KRIT1: variants seen among roughly 807,000 people sequenced by gnomAD.
KRIT1 encodes KRIT1 ankyrin repeat containing, also known as krev interaction trapped protein 1.
KRIT1 carries 45 observed loss-of-function variants against 95.8 expected under a neutral mutation model. That is an observed-to-expected ratio of 0.47 (90% CI 0.37 to 0.60). The LOEUF is 0.60. Among genes scored for constraint, KRIT1 ranks in the 20% least tolerant of loss-of-function variants. KRIT1 has a pLI of 0.00. For synonymous variants in KRIT1, 282 were observed against 278.8 expected (o/e 1.01, Z -0.11); for missense variants, 788 against 877.5 (o/e 0.90, Z 1.29).
At chr7:92,220,898 C>T (rs1316327931) in intron 14 of KRIT1, among the ~76,000 whole-genome samples, 2 of 151,340 alleles carry the variant, frequency 1.3e-5, no homozygotes, top group Middle Eastern at 6.9e-3. Context: ...CCATCTTGGC[C>T]GGGCTGGTCT....
At chr7:92,222,749 G>T in intron 13 of KRIT1, 73 bp downstream of exon 13, 1 of 877,668 alleles carries the variant, frequency 1.1e-6, no homozygotes, top group Non-Finnish European at 1.9e-6. Context: ...ATAAAAAGAA[G>T]TTGTATTTTC....
chr7:92,230,247 TCTC>T (rs1486535636), intron 10 of KRIT1, among the ~76,000 whole-genome samples: 1 of 152,112 alleles, frequency 6.6e-6, no homozygotes, highest in East Asian at 1.9e-4. Flanking sequence ...TTGCCCAACG[TCTC>T]ATGGTGACTA....
intron 17 of KRIT1, among the ~76,000 whole-genome samples, chr7:92,203,801 A>C (rs1790749481): frequency 6.6e-6 from 1 of 152,192 alleles, no homozygotes; most frequent in South Asian, 2.1e-4. Context: ...AAATGCTCTG[A>C]AACAGCAGAG....
intron 14 of KRIT1, among the ~76,000 whole-genome samples, chr7:92,217,664 A>G (rs1794270640): frequency 6.6e-6 from 1 of 152,200 alleles, no homozygotes; most frequent in Non-Finnish European, 1.5e-5. Flanking sequence ...TTGTCCACTC[A>G]TCTGTTGATG....
chr7:92,226,899 T>C (rs1026157763), intron 10 of KRIT1, among the ~76,000 whole-genome samples: 11 of 152,246 alleles, frequency 7.2e-5, no homozygotes, highest in Non-Finnish European at 1.3e-4. Context: ...AAACTGTTTC[T>C]ATTTCTGATA....
intron 17 of KRIT1, among the ~76,000 whole-genome samples, chr7:92,211,387 G>A (rs1317726608): frequency 6.6e-6 from 1 of 152,200 alleles, no homozygotes; most frequent in Non-Finnish European, 1.5e-5. Context: ...AATGGAATTG[G>A]AGGTCATTTT....
rs192473025 is a variant in KRIT1, at chr7:92,219,204, G to A, written c.1563+2698C>T. Among the ~76,000 whole-genome samples, 274 of 152,196 alleles carry A rather than the reference G, an allele frequency of 1.8e-3. 1 individual carries two copies. The highest frequency in any genetic ancestry group is 6.1e-3 in the African/African-American group (255 of 41,522). ...TTTAGAAGAGATGGGGTTTTGCCATGTGGGCCAGGCTGGTCTAGAACTCCT... is the reference window on the plus strand; with the variant it reads ...TTTAGAAGAGATGGGGTTTTGCCATATGGGCCAGGCTGGTCTAGAACTCCT... On this transcript the variant is annotated intron_variant, in intron 14 of 18. Coordinates refer to ENST00000394505, the MANE Select transcript of KRIT1 (RefSeq NM_194454.3).
At chr7:92,209,372 G>C (rs969903234) in intron 17 of KRIT1, among the ~76,000 whole-genome samples, 1 of 152,138 alleles carries the variant, frequency 6.6e-6, no homozygotes, top group Non-Finnish European at 1.5e-5. Flanking sequence ...CATCAGGTAA[G>C]AGAAAGAAAT....
rs1563240592 is a variant in KRIT1, at chr7:92,213,293, G to A, written c.1927C>T (p.Gln643Ter). The A allele has an allele frequency of 6.2e-7, 1 of 1,613,060 alleles. No individual in the cohort carries two copies. The highest frequency in any genetic ancestry group is 1.7e-5 in the Admixed American group (1 of 59,998). The change falls in exon 17 of 19, where the codon CAG (glutamine) becomes TAG (stop). Residue 643 changes from glutamine (Q) to a stop codon, truncating the protein, a stop_gained. Coordinates refer to ENST00000394505, the MANE Select transcript of KRIT1 (RefSeq NM_194454.3). LOFTEE classifies it high-confidence loss of function. ...PTYGAAFFTG[Q>*]IFTKASPSNH... is the part of the protein sequence containing the mutation. The stretch of plus-strand genomic sequence containing the variant: ...CTGGGGCTTGCCTTTGTAAATATCT[G>A]TCCTGTGAAAAATGCTGCTCCATAA...
At chr7:92,236,099 A>C (rs1284173311) in intron 7 of KRIT1, 2 of 272,812 alleles carry the variant, frequency 7.3e-6, no homozygotes, top group Non-Finnish European at 1.4e-5. Context: ...AAGGCATAAG[A>C]GGTTGAATGA....
chr7:92,207,169 A>G (rs1791721085), intron 17 of KRIT1, among the ~76,000 whole-genome samples: 1 of 152,128 alleles, frequency 6.6e-6, no homozygotes, highest in South Asian at 2.1e-4. Flanking sequence ...ATACCCAAGC[A>G]GATCTAACCT....
chr7:92,222,259 T>C (rs1433422890), intron 13 of KRIT1, among the ~76,000 whole-genome samples: 2 of 152,144 alleles, frequency 1.3e-5, no homozygotes, highest in East Asian at 3.8e-4. Context: ...TAAAAATAAT[T>C]CTTACATAAA....
chr7:92,221,522 T>C (rs1362363080), intron 14 of KRIT1, among the ~76,000 whole-genome samples: 1 of 152,212 alleles, frequency 6.6e-6, no homozygotes, highest in Non-Finnish European at 1.5e-5. Context: ...ACCCAGGATG[T>C]TCTCTTCCAC....
chr7:92,239,397 A>G (rs1799105575), intron 5 of KRIT1, among the ~76,000 whole-genome samples: 1 of 152,236 alleles, frequency 6.6e-6, no homozygotes, highest in African/African-American at 2.4e-5. Flanking sequence ...TAGGCTAATT[A>G]GATTTCTGTC....
chr7:92,211,652 GAT>G (rs1792867010), intron 17 of KRIT1, among the ~76,000 whole-genome samples: 1 of 152,130 alleles, frequency 6.6e-6, no homozygotes, highest in Non-Finnish European at 1.5e-5. Flanking sequence ...ATAGCTAAGA[GAT>G]AAGTTGAAAT....
chr7:92,216,990 G>C (rs979909486), intron 14 of KRIT1, among the ~76,000 whole-genome samples: 3 of 152,072 alleles, frequency 2.0e-5, no homozygotes, highest in Non-Finnish European at 2.9e-5. Context: ...GTACAAACAG[G>C]AATTTCTTAA....
chr7:92,222,180 T>C (rs987515608), intron 13 of KRIT1, 127 bp from the exon 14 acceptor site: 16 of 701,698 alleles, frequency 2.3e-5, no homozygotes, highest in Non-Finnish European at 3.9e-5. Context: ...AAATCTAAAA[T>C]TAACATTTTA....
intron 10 of KRIT1, 26 bp downstream of exon 10, chr7:92,234,423 A>C (rs1258932535): frequency 6.5e-7 from 1 of 1,526,730 alleles, no homozygotes; most frequent in Non-Finnish European, 9.1e-7. Flanking sequence ...TCTTTCTAAA[A>C]AGAAAAGAAT....
In KRIT1 at chr7:92,200,005, G is replaced by T. The variant is rs1310084327; in HGVS notation, c.*731C>A. 6.6e-6 allele frequency: 1 copy of T among 152,618 alleles called. No homozygotes were observed. Among genetic ancestry groups the T allele is most frequent in the Non-Finnish European group, 1.5e-5 (1 of 68,052 alleles). The allele number at this position is 152,618 out of a possible 1,614,324, so 9.5% of individuals were successfully genotyped here. A position where few individuals can be genotyped will look rare whatever the true frequency, so the allele number is the denominator to read the frequency against. On this transcript the variant is annotated 3_prime_UTR_variant, in exon 19 of 19. Coordinates refer to ENST00000394505, the MANE Select transcript of KRIT1 (RefSeq NM_194454.3). The stretch of plus-strand genomic sequence containing the variant: ...GCAGAAAACTGTTTTAAATAACAGT[G>T]TTATGTGGTTCAAGTAGAAAATACA...
Sources: allele counts gnomAD v4.1 joint callset (sites outside exome capture counted in the v4.1 genomes callset), GRCh38; gene constraint gnomAD v4.1.1; transcripts MANE v1.5; gene names NCBI Gene and HGNC (gene_info 2026-07-23, HGNC 2026-07-21).